CASR: variants seen among roughly 807,000 people sequenced by gnomAD.
The protein encoded by CASR is calcium sensing receptor, also known as extracellular calcium-sensing receptor.
In CASR, 23 loss-of-function variants were observed where a neutral mutation model predicts 69.1. That is an observed-to-expected ratio of 0.33 (90% CI 0.24 to 0.47). CASR has a LOEUF of 0.47. Among genes scored for constraint, CASR ranks in the 20% least tolerant of loss-of-function variants. The pLI, the probability that CASR is intolerant of heterozygous loss-of-function variation, is 1.00. For missense variants in CASR, 924 were observed against 1,356.1 expected (o/e 0.68, Z 5.00); for synonymous variants, 541 against 544.7 (o/e 0.99, Z 0.10).
chr3:122,282,050 C>T, intron 5 of CASR, 63 bp from the exon 6 acceptor site: 3 of 1,612,462 alleles, frequency 1.9e-6, no homozygotes, highest in South Asian at 2.2e-5. Context: ...TTTGAAGAGA[C>T]AGTAGGGCTG....
chr3:122,254,077 A>G lies in CASR; in HGVS notation c.-113A>G. The G allele has an allele frequency of 1.1e-6, 1 of 904,240 alleles. No individual in the cohort carries two copies. Among genetic ancestry groups the G allele is most frequent in the East Asian group, 2.4e-5 (1 of 41,770 alleles). 56.0% of individuals were successfully genotyped at this position (904,240 alleles called of 1,614,324 possible). A position where few individuals can be genotyped will look rare whatever the true frequency, so the allele number is the denominator to read the frequency against. On this transcript the variant is annotated 5_prime_UTR_variant, in exon 2 of 7. Coordinates refer to ENST00000639785, the MANE Select transcript of CASR (RefSeq NM_000388.4). ...ACGTCTTCTATTATTTTATTAATCA[A>G]TCTGTAGACATGTGTCCCCACTGCA...
At chr3:122,226,623 T>C (rs6767350) in intron 1 of CASR, among the ~76,000 whole-genome samples, 112,169 of 151,912 alleles carry the variant, frequency 0.74, 41,636 homozygotes, top group Admixed American at 0.83. Context: ...CTGAGCTAGA[T>C]GCAAAAGTTC....
chr3:122,240,163 C>T (rs113452193), intron 1 of CASR, among the ~76,000 whole-genome samples: 195 of 152,284 alleles, frequency 1.3e-3, no homozygotes, highest in South Asian at 6.9e-3. Flanking sequence ...ATATAACATA[C>T]AACAGAGTTC....
chr3:122,192,784 A>T (rs1292673402), intron 1 of CASR, among the ~76,000 whole-genome samples: 1 of 152,146 alleles, frequency 6.6e-6, no homozygotes, highest in East Asian at 1.9e-4. Context: ...AGTGGGGGCC[A>T]AATGTATATA....
chr3:122,223,097 A>T (rs2074187926), intron 1 of CASR, among the ~76,000 whole-genome samples: 1 of 152,206 alleles, frequency 6.6e-6, no homozygotes, highest in Non-Finnish European at 1.5e-5. Flanking sequence ...TAGAGTGCTA[A>T]ATGCCTACAT....
chr3:122,291,235 G>T lies in CASR; in HGVS notation c.*6044G>T, dbSNP rs1296226485. On this transcript the variant is annotated 3_prime_UTR_variant, in exon 7 of 7. Coordinates refer to ENST00000639785, the MANE Select transcript of CASR (RefSeq NM_000388.4). ...AGCAGCATGATTTCTAATCCTTTGG[G>T]TATATACCCAGTAATGGGATGGCTG... 2 of 151,538 alleles carry T rather than the reference G, an allele frequency of 1.3e-5. No individual in the cohort carries two copies. Among genetic ancestry groups the T allele is most frequent in the Non-Finnish European group, 2.9e-5 (2 of 67,932 alleles). The allele number at this position is 151,538 out of a possible 1,614,324, so 9.4% of individuals were successfully genotyped here.
intron 1 of CASR, among the ~76,000 whole-genome samples, chr3:122,240,406 G>T (rs1053414810): frequency 6.6e-6 from 1 of 152,152 alleles, no homozygotes; most frequent in Non-Finnish European, 1.5e-5. Context: ...CACATGAAAT[G>T]ATTTCAAGAC....
chr3:122,278,217 C>T (rs1041562366), intron 5 of CASR, among the ~76,000 whole-genome samples: 33 of 152,208 alleles, frequency 2.2e-4, no homozygotes, highest in African/African-American at 7.9e-4. Context: ...TGGCATTATA[C>T]TTAACTGATG....
At chr3:122,278,415 C>T (rs1434033417) in intron 5 of CASR, among the ~76,000 whole-genome samples, 1 of 152,100 alleles carries the variant, frequency 6.6e-6, no homozygotes, top group Non-Finnish European at 1.5e-5. Context: ...ACTTAGACCT[C>T]AGTGCTCCAT....
intron 1 of CASR, among the ~76,000 whole-genome samples, chr3:122,210,792 C>A (rs1411615874): frequency 9.9e-5 from 15 of 151,972 alleles, no homozygotes; most frequent in Admixed American, 9.8e-4. Flanking sequence ...TAATCCTAAG[C>A]AAAAAGAACA....
intron 1 of CASR, among the ~76,000 whole-genome samples, chr3:122,213,325 C>T (rs1029420864): frequency 6.6e-6 from 1 of 152,158 alleles, no homozygotes; most frequent in Non-Finnish European, 1.5e-5. Flanking sequence ...CAAAATCTGT[C>T]TCCCTTTAAT....
intron 1 of CASR, among the ~76,000 whole-genome samples, chr3:122,189,485 A>G (rs1030131434): frequency 1.3e-5 from 2 of 152,098 alleles, no homozygotes; most frequent in Admixed American, 1.3e-4. Flanking sequence ...TTTTTCATCT[A>G]TGATTGATTT....
intron 1 of CASR, among the ~76,000 whole-genome samples, chr3:122,219,223 G>A (rs772007199): frequency 3.9e-5 from 6 of 152,134 alleles, no homozygotes; most frequent in Admixed American, 1.3e-4. Context: ...GTAAAAGCAG[G>A]GAGAACAGTT....
At chr3:122,213,558 A>G (rs1047607984) in intron 1 of CASR, among the ~76,000 whole-genome samples, 2 of 152,150 alleles carry the variant, frequency 1.3e-5, no homozygotes, top group Admixed American at 6.5e-5. Flanking sequence ...TGAAATATAC[A>G]TACTTGGCAC....
chr3:122,266,358 G>T (rs2074694375), intron 4 of CASR, among the ~76,000 whole-genome samples: 1 of 151,700 alleles, frequency 6.6e-6, no homozygotes, highest in Non-Finnish European at 1.5e-5. Flanking sequence ...TTTCTTGGTG[G>T]TGTTTTCTTT....
At chr3:122,275,762 G>A (rs775505812) in intron 4 of CASR, 50 bp from the exon 5 acceptor site, 2 of 1,232,992 alleles carry the variant, frequency 1.6e-6, no homozygotes, top group South Asian at 1.2e-5. Flanking sequence ...TACCTAATTA[G>A]TTCTATGTGG....
At chr3:122,238,069 A>G (rs1158108794) in intron 1 of CASR, among the ~76,000 whole-genome samples, 1 of 152,220 alleles carries the variant, frequency 6.6e-6, no homozygotes, top group Non-Finnish European at 1.5e-5. Flanking sequence ...AACTACACAA[A>G]AAAGCACCAT....
At chr3:122,239,013 A>G (rs941086287) in intron 1 of CASR, among the ~76,000 whole-genome samples, 4 of 152,260 alleles carry the variant, frequency 2.6e-5, no homozygotes, top group South Asian at 2.1e-4. Flanking sequence ...TGGGGTGGCA[A>G]TGGCAAAAGA....
intron 3 of CASR, among the ~76,000 whole-genome samples, chr3:122,258,798 G>A (rs964298253): frequency 3.9e-5 from 6 of 151,984 alleles, no homozygotes; most frequent in African/African-American, 7.2e-5. Flanking sequence ...CACTTAGAGA[G>A]CTTTAAAAAT....
Sources: allele counts gnomAD v4.1 joint callset (sites outside exome capture counted in the v4.1 genomes callset), GRCh38; gene constraint gnomAD v4.1.1; transcripts MANE v1.5; gene names NCBI Gene and HGNC (gene_info 2026-07-23, HGNC 2026-07-21).